CNTLN: variants seen among roughly 807,000 people sequenced by gnomAD.
The protein encoded by CNTLN is centlein.
A neutral mutation model predicts 180.0 loss-of-function variants in CNTLN; 212 were observed. The ratio of observed to expected loss-of-function variants is 1.18; its 90% CI spans 1.05 to 1.32. CNTLN has a LOEUF of 1.32. Among genes scored for constraint, CNTLN ranks in the 40% most tolerant of loss-of-function variants. CNTLN has a pLI of 0.00. For missense variants in CNTLN, 2,095 were observed against 1,610.9 expected (o/e 1.30, Z -5.14); for synonymous variants, 722 against 563.1 (o/e 1.28, Z -3.99).
At chr9:17,383,936 C>A (rs979886921) in intron 13 of CNTLN, among the ~76,000 whole-genome samples, 24 of 152,196 alleles carry the variant, frequency 1.6e-4, no homozygotes, top group Non-Finnish European at 3.1e-4. Context: ...CCTTGCCCGG[C>A]CCGTAACATG....
intron 2 of CNTLN, among the ~76,000 whole-genome samples, chr9:17,207,096 G>T (rs1291347501): frequency 6.6e-6 from 1 of 152,238 alleles, no homozygotes; most frequent in Non-Finnish European, 1.5e-5. Flanking sequence ...AGCCCAGGCT[G>T]TTGCTTCCCA....
At chr9:17,268,592 C>T (rs62558320) in intron 5 of CNTLN, among the ~76,000 whole-genome samples, 34,767 of 152,006 alleles carry the variant, frequency 0.23, 4,205 homozygotes, top group South Asian at 0.36. Flanking sequence ...TTTATGTCTG[C>T]AGAGGTTACT....
chr9:17,309,142 C>G lies in CNTLN; in HGVS notation c.1231C>G (p.Gln411Glu), dbSNP rs200116811. 1.2e-6 allele frequency: 2 copies of G among 1,610,578 alleles called. No homozygotes were observed. The highest frequency in any genetic ancestry group is 1.3e-5 in the African/African-American group (1 of 74,922). The change falls in exon 8 of 26, where the codon CAG becomes GAG. Residue 411 changes from glutamine (Q) to glutamate (E), a missense_variant. Gln to Glu is a conservative substitution (Grantham distance 29, BLOSUM62 2). Transcript: ENST00000380647. ...LRQSVTNLQD[Q>E]LLQKEQENAK... ...GCAAAGTGTTACTAATCTTCAGGAT[C>G]AGCTATTACAAAAAGAGCAAGAAAA...
At chr9:17,412,808 G>A (rs1827949964) in intron 16 of CNTLN, among the ~76,000 whole-genome samples, 3 of 152,198 alleles carry the variant, frequency 2.0e-5, no homozygotes, top group South Asian at 2.1e-4. Flanking sequence ...TATATGACAC[G>A]TATATTAAAG....
intron 12 of CNTLN, among the ~76,000 whole-genome samples, chr9:17,359,833 G>A (rs1344302724): frequency 6.6e-6 from 1 of 150,638 alleles, no homozygotes; most frequent in Non-Finnish European, 1.5e-5. Flanking sequence ...CTGGGAGGCG[G>A]AGCTTGCAGT....
At chr9:17,288,003 T>C (rs1829100725) in intron 6 of CNTLN, among the ~76,000 whole-genome samples, 1 of 138,496 alleles carries the variant, frequency 7.2e-6, no homozygotes, top group African/African-American at 3.0e-5. Flanking sequence ...GTGTCTCTGT[T>C]TCCTTCAGTT....
chr9:17,431,108 G>T (rs551147711), intron 18 of CNTLN, among the ~76,000 whole-genome samples: 3 of 152,050 alleles, frequency 2.0e-5, no homozygotes, highest in East Asian at 1.9e-4. Flanking sequence ...TCTATTTCTG[G>T]TTTTTTTGAA....
chr9:17,179,261 A>AAAGAAG (rs59512574), intron 2 of CNTLN, among the ~76,000 whole-genome samples: 1 of 138,642 alleles, frequency 7.2e-6, no homozygotes, highest in Admixed American at 7.1e-5. Context: ...AAAAAAAAAA[A>AAAGAAG]AAGAAGAAGT....
At chr9:17,141,666 C>T (rs1305448161) in intron 1 of CNTLN, among the ~76,000 whole-genome samples, 5 of 151,988 alleles carry the variant, frequency 3.3e-5, no homozygotes, top group African/African-American at 1.2e-4. Flanking sequence ...GGGCAAGAGA[C>T]GGAATTGACT....
At chr9:17,159,496 C>G (rs1251739296) in intron 2 of CNTLN, among the ~76,000 whole-genome samples, 1 of 152,162 alleles carries the variant, frequency 6.6e-6, no homozygotes, top group Non-Finnish European at 1.5e-5. Context: ...AAGCTGGGGT[C>G]TCAATATGCT....
At chr9:17,472,448 C>T (rs1432338328) in intron 23 of CNTLN, among the ~76,000 whole-genome samples, 2 of 152,148 alleles carry the variant, frequency 1.3e-5, no homozygotes, top group African/African-American at 4.8e-5. Flanking sequence ...CTTATGGTGA[C>T]TTCATATCCA....
chr9:17,438,003 A>T (rs1829879007), intron 18 of CNTLN, among the ~76,000 whole-genome samples: 2 of 152,210 alleles, frequency 1.3e-5, no homozygotes, highest in Admixed American at 1.3e-4. Flanking sequence ...GCTTGAAAAG[A>T]CATCTAGCTG....
intron 6 of CNTLN, among the ~76,000 whole-genome samples, chr9:17,285,027 A>G (rs1828895635): frequency 1.3e-5 from 2 of 150,338 alleles, no homozygotes; most frequent in Non-Finnish European, 3.0e-5. Flanking sequence ...ATTATACTTT[A>G]AGTTTTAGGG....
chr9:17,219,863 G>C (rs1286751972), intron 2 of CNTLN, among the ~76,000 whole-genome samples: 1 of 151,880 alleles, frequency 6.6e-6, no homozygotes, highest in African/African-American at 2.4e-5. Flanking sequence ...CTGCCTTTTT[G>C]TTGTATCCTC....
intron 2 of CNTLN, among the ~76,000 whole-genome samples, chr9:17,208,208 G>A (rs569496393): frequency 5.9e-5 from 9 of 152,140 alleles, no homozygotes; most frequent in South Asian, 2.1e-4. Flanking sequence ...GCTTTTTCAC[G>A]TGACATCAAT....
chr9:17,176,615 G>A (rs945970170), intron 2 of CNTLN, among the ~76,000 whole-genome samples: 16 of 152,234 alleles, frequency 1.1e-4, no homozygotes, highest in African/African-American at 3.6e-4. Context: ...ATCAGGAAGT[G>A]GTGCTTTCTC....
intron 3 of CNTLN, among the ~76,000 whole-genome samples, chr9:17,234,201 T>A (rs7021738): frequency 0.22 from 33,047 of 152,058 alleles, 4,655 homozygotes; most frequent in African/African-American, 0.4. Flanking sequence ...TCACACCTGT[T>A]ATCTCAGCGG....
At chr9:17,504,984 G>C (rs551208344), downstream of CNTLN, among the ~76,000 whole-genome samples, 1 of 152,164 alleles carries the variant, frequency 6.6e-6, no homozygotes, top group Admixed American at 6.5e-5. Context: ...CTGTTTAGAA[G>C]TTTTACATCT....
chr9:17,290,894 C>T (rs551582775), intron 6 of CNTLN, among the ~76,000 whole-genome samples: 1 of 152,216 alleles, frequency 6.6e-6, no homozygotes, highest in African/African-American at 2.4e-5. Flanking sequence ...ACCCACTGGC[C>T]TGCGCCCACT....
Sources: allele counts gnomAD v4.1 joint callset (sites outside exome capture counted in the v4.1 genomes callset), GRCh38; gene constraint gnomAD v4.1.1; transcripts MANE v1.5; gene names NCBI Gene and HGNC (gene_info 2026-07-23, HGNC 2026-07-21).